Variants in ENPEP observed in about 807,000 individuals in gnomAD.
The protein encoded by ENPEP is AP-A.
In ENPEP, 103 loss-of-function variants were observed where a neutral mutation model predicts 114.5. The observed-to-expected ratio is 0.90, with a 90% confidence interval of 0.77 to 1.06. The LOEUF is 1.06. Among genes scored for constraint, ENPEP ranks in the 50% least tolerant of loss-of-function variants. ENPEP has a pLI of 0.00. For missense variants in ENPEP, 1,196 were observed against 1,161.3 expected (o/e 1.03, Z -0.43); for synonymous variants, 420 against 422.0 (o/e 1.00, Z 0.06).
intron 11 of ENPEP, among the ~76,000 whole-genome samples, 181 bp downstream of exon 11, chr4:110,531,458 A>C (rs1201836643): frequency 5.3e-5 from 8 of 152,266 alleles, no homozygotes; most frequent in South Asian, 2.1e-4. Context: ...ACCTTGAGAT[A>C]TTCTTTTCAA....
At chr4:110,550,827 T>C (rs376946194) in intron 17 of ENPEP, among the ~76,000 whole-genome samples, 1 of 152,088 alleles carries the variant, frequency 6.6e-6, no homozygotes, top group African/African-American at 2.4e-5. Flanking sequence ...TAAATTACAA[T>C]GCAATACCAA....
intron 10 of ENPEP, among the ~76,000 whole-genome samples, chr4:110,526,842 C>T (rs540906489): frequency 6.6e-6 from 1 of 152,202 alleles, no homozygotes; most frequent in East Asian, 1.9e-4. Context: ...TGGCTGTGGG[C>T]TGGAGGGCAT....
intron 4 of ENPEP, among the ~76,000 whole-genome samples, chr4:110,507,384 C>T (rs1057004494): frequency 5.3e-5 from 8 of 152,114 alleles, no homozygotes; most frequent in South Asian, 2.1e-4. Flanking sequence ...TTAATAAGCT[C>T]GAGAGCTATT....
At chr4:110,489,561 C>T (rs1411385910) in intron 2 of ENPEP, among the ~76,000 whole-genome samples, 10 of 150,902 alleles carry the variant, frequency 6.6e-5, no homozygotes, top group African/African-American at 2.4e-4. Flanking sequence ...GTGTAATAAA[C>T]AAATAAATAA....
intron 17 of ENPEP, among the ~76,000 whole-genome samples, chr4:110,552,813 T>C (rs953019097): frequency 6.6e-6 from 1 of 152,112 alleles, no homozygotes; most frequent in Non-Finnish European, 1.5e-5. Context: ...AATATAACCA[T>C]ATAGGTTACA....
At chr4:110,498,353 C>CA (rs5861009) in intron 3 of ENPEP, among the ~76,000 whole-genome samples, 90,592 of 151,474 alleles carry the variant, frequency 0.6, 27,440 homozygotes, top group Middle Eastern at 0.68. Flanking sequence ...TGAGACCTTG[C>CA]AAAAAAAACC....
chr4:110,481,779 G>A (rs1037426962), intron 1 of ENPEP, among the ~76,000 whole-genome samples: 3 of 152,190 alleles, frequency 2.0e-5, no homozygotes, highest in African/African-American at 7.2e-5. Context: ...TAAAGGCAGA[G>A]AAACAGTGGA....
chr4:110,478,123 C>T (rs544457373), intron 1 of ENPEP, among the ~76,000 whole-genome samples: 2 of 152,246 alleles, frequency 1.3e-5, no homozygotes, highest in Admixed American at 1.3e-4. Flanking sequence ...ACAAATATCC[C>T]TTTTTTTCTG....
chr4:110,547,202 T>A (rs1361247143), intron 13 of ENPEP, among the ~76,000 whole-genome samples: 1 of 152,078 alleles, frequency 6.6e-6, no homozygotes, highest in African/African-American at 2.4e-5. Context: ...TTTTATTTGG[T>A]GGAAATTTTA....
intron 3 of ENPEP, 145 bp downstream of exon 3, chr4:110,491,309 A>C: frequency 1.5e-6 from 1 of 684,486 alleles, no homozygotes; most frequent in Non-Finnish European, 2.3e-6. Context: ...TTGATAATAC[A>C]TAGAAAAATG....
chr4:110,482,153 G>C (rs901663435), intron 1 of ENPEP, among the ~76,000 whole-genome samples: 2 of 152,168 alleles, frequency 1.3e-5, no homozygotes, highest in Non-Finnish European at 2.9e-5. Flanking sequence ...CATCCACTTG[G>C]ATATATGAAA....
chr4:110,554,627 A>G (rs1727408530), intron 18 of ENPEP, among the ~76,000 whole-genome samples: 1 of 152,052 alleles, frequency 6.6e-6, no homozygotes, highest in Non-Finnish European at 1.5e-5. Flanking sequence ...AGAATGAATG[A>G]ATATACCTAT....
intron 13 of ENPEP, among the ~76,000 whole-genome samples, chr4:110,544,653 T>C (rs1726986328): frequency 6.6e-6 from 1 of 152,168 alleles, no homozygotes; most frequent in South Asian, 2.1e-4. Flanking sequence ...TAAATTGTCC[T>C]GTTCCAAAGC....
chr4:110,513,166 ATTCAC>A (rs1312785879), intron 6 of ENPEP: 1 of 288,684 alleles, frequency 3.5e-6, no homozygotes, highest in Non-Finnish European at 6.3e-6. Flanking sequence ...CAGAAGCAGA[ATTCAC>A]AGAAGTTGAT....
intron 3 of ENPEP, among the ~76,000 whole-genome samples, chr4:110,494,764 A>T (rs939233070): frequency 6.6e-6 from 1 of 152,216 alleles, no homozygotes; most frequent in Non-Finnish European, 1.5e-5. Flanking sequence ...AATTAATTGC[A>T]TTGCATTTTG....
In ENPEP at chr4:110,520,327, A is replaced by C; in HGVS notation, c.1688A>C (p.Asp563Ala). 2 of 1,614,100 alleles carry C rather than the reference A, an allele frequency of 1.2e-6. No homozygotes were observed. The highest frequency in any genetic ancestry group is 1.7e-6 in the Non-Finnish European group (2 of 1,179,974). ...KNITQKRFLL[D>A]PRANPSQPPS... ...ATCACACAGAAACGCTTTTTGTTGG[A>C]CCCAAGAGCTAACCCTTCTCAGCCC... Residue 563 changes from aspartate (D) to alanine (A), a missense_variant, in exon 10 of 20, where the codon GAC becomes GCC. Coordinates refer to ENST00000265162, the MANE Select transcript of ENPEP (RefSeq NM_001977.4).
intron 1 of ENPEP, among the ~76,000 whole-genome samples, chr4:110,487,196 C>T (rs1724538468): frequency 6.6e-6 from 1 of 152,178 alleles, no homozygotes; most frequent in African/African-American, 2.4e-5. Flanking sequence ...GCTGCATGAC[C>T]CCTAAACTGT....
chr4:110,486,915 T>C (rs1409647591), intron 1 of ENPEP, among the ~76,000 whole-genome samples: 7 of 152,144 alleles, frequency 4.6e-5, no homozygotes, highest in South Asian at 2.1e-4. Context: ...GTTTTTAAGA[T>C]AATTTGGCGG....
chr4:110,520,410 G>C lies in ENPEP; in HGVS notation c.1727+44G>C. 3 of 1,589,524 alleles carry C rather than the reference G, an allele frequency of 1.9e-6. No homozygotes were observed. The South Asian group carries it at 3.3e-5, about 18-fold the overall frequency. ...TTGAAAAAAACACAGAAATTTGGCA[G>C]AAATATTGGTAATTTGTTTATATCC... On this transcript the variant is annotated intron_variant, in intron 10 of 19. Coordinates refer to ENST00000265162, the MANE Select transcript of ENPEP (RefSeq NM_001977.4).
Sources: gnomAD v4.1 joint callset for allele counts (sites outside exome capture counted in the v4.1 genomes callset) on GRCh38, gnomAD v4.1.1 for gene constraint, MANE v1.5 for transcripts, NCBI Gene and HGNC (gene_info 2026-07-23, HGNC 2026-07-21) for gene names.